Variants in TXNDC16 observed in about 807,000 individuals in gnomAD.
TXNDC16 encodes thioredoxin domain-containing protein 16.
TXNDC16 carries 74 observed loss-of-function variants against 85.6 expected under a neutral mutation model. The observed-to-expected ratio is 0.86, with a 90% confidence interval of 0.72 to 1.05. The LOEUF (loss-of-function observed/expected upper bound fraction) is 1.05, where lower values mean the gene tolerates loss of function less well. TXNDC16 is among the 50% of genes least tolerant of loss of function. The probability of loss-of-function intolerance (pLI) is 0.00; values close to 1 mark genes in which losing one functional copy is unlikely to be tolerated. For synonymous variants in TXNDC16, 335 were observed against 326.5 expected, an observed-to-expected ratio of 1.03 and a Z score of -0.28; for missense variants, 959 against 947.0, an observed-to-expected ratio of 1.01 and a Z score of -0.17.
At chr14:52,519,136 G>A (rs2037150984) in intron 7 of TXNDC16, 36 bp downstream of exon 7, 1 of 1,590,776 alleles carries the variant, frequency 6.3e-7, no homozygotes, top group East Asian at 2.3e-5. Flanking sequence ...TAAGTACAGA[G>A]GCACAGCAAA....
At chr14:52,539,911 A>G (rs1473702173) in intron 4 of TXNDC16, among the ~76,000 whole-genome samples, 1 of 152,202 alleles carries the variant, frequency 6.6e-6, no homozygotes, top group African/African-American at 2.4e-5. Flanking sequence ...GGTTAGGGAA[A>G]CAAGAAGGAG....
At chr14:52,458,567 C>T (rs563498752) in intron 16 of TXNDC16, among the ~76,000 whole-genome samples, 1 of 152,010 alleles carries the variant, frequency 6.6e-6, no homozygotes, top group Admixed American at 6.6e-5. Context: ...AAAAGAGAGA[C>T]GAGAGACAGA....
At chr14:52,542,121 G>A (rs373122991) in intron 4 of TXNDC16, among the ~76,000 whole-genome samples, 7 of 152,040 alleles carry the variant, frequency 4.6e-5, no homozygotes, top group South Asian at 4.1e-4. Context: ...GGGCCCAATA[G>A]AATGGTTTAT....
intron 9 of TXNDC16, among the ~76,000 whole-genome samples, chr14:52,492,342 G>A (rs934594610): frequency 2.6e-5 from 4 of 152,060 alleles, no homozygotes; most frequent in Non-Finnish European, 4.4e-5. Flanking sequence ...ATTGGGATTC[G>A]CCAAAAAGCA....
chr14:52,498,825 A>G (rs2036590950), intron 9 of TXNDC16, among the ~76,000 whole-genome samples: 1 of 152,168 alleles, frequency 6.6e-6, no homozygotes, highest in Non-Finnish European at 1.5e-5. Flanking sequence ...AAAAAATCCT[A>G]AAATTCATAT....
chr14:52,547,033 T>C (rs17125553), intron 1 of TXNDC16, among the ~76,000 whole-genome samples: 5,683 of 152,310 alleles, frequency 0.037, 336 homozygotes, highest in African/African-American at 0.13. Context: ...GGCTGGAAGA[T>C]AGATTAGTAC....
Position 52,490,442 on chromosome 14 carries a change from C to T in TXNDC16, c.933G>A (p.Leu311=). 1 of 1,598,382 alleles carries T rather than the reference C, an allele frequency of 6.3e-7. No homozygotes were observed. The highest frequency in any genetic ancestry group is 8.5e-7 in the Non-Finnish European group (1 of 1,174,470). ...AGVLLLLRDS[L]EVNIPQDANV... ...TAGCATCTTGAGGAATGTTCACTTC[C>T]AAAGAGTCCCTTTTTCAAAATGGAA... The change falls in exon 11 of 21, where the codon TTG becomes TTA. Residue 311 remains leucine (L), a synonymous_variant. Coordinates refer to ENST00000281741, the MANE Select transcript of TXNDC16 (RefSeq NM_020784.3).
chr14:52,485,265 T>C (rs182471037), intron 12 of TXNDC16, among the ~76,000 whole-genome samples: 24 of 152,278 alleles, frequency 1.6e-4, no homozygotes, highest in Admixed American at 1.0e-3. Flanking sequence ...AAGTTTTAAA[T>C]GGAAAAAAGC....
chr14:52,517,065 T>G (rs2037100190), intron 7 of TXNDC16, among the ~76,000 whole-genome samples: 1 of 151,964 alleles, frequency 6.6e-6, no homozygotes, highest in African/African-American at 2.4e-5. Flanking sequence ...CCTCCATAAT[T>G]TCCCTCCTCC....
intron 9 of TXNDC16, among the ~76,000 whole-genome samples, chr14:52,501,434 A>G (rs1254829821): frequency 6.6e-6 from 1 of 152,216 alleles, no homozygotes; most frequent in Non-Finnish European, 1.5e-5. Flanking sequence ...CTTTGTAAAC[A>G]TACCAAATTA....
intron 14 of TXNDC16, among the ~76,000 whole-genome samples, chr14:52,475,214 G>A (rs990210472): frequency 2.0e-5 from 3 of 152,144 alleles, no homozygotes; most frequent in African/African-American, 7.2e-5. Flanking sequence ...CACCTCACAA[G>A]GGGTCCTTGA....
rs960925927 is a variant in TXNDC16 at position 52,431,359 on chromosome 14, G to C, written c.*945C>G. On this transcript the variant is annotated 3_prime_UTR_variant, in exon 21 of 21. Coordinates refer to ENST00000281741, the MANE Select transcript of TXNDC16 (RefSeq NM_020784.3). ...TTGTAGAAATAAGAGGAGGTTTTAA[G>C]ACTCACTTAAAATATAAATATCATT... 2.6e-5 allele frequency: 4 copies of C among 152,154 alleles called. No individual in the cohort carries two copies. The highest frequency in any genetic ancestry group is 9.7e-5 in the African/African-American group (4 of 41,432). 9.4% of individuals were successfully genotyped at this position (152,154 alleles called of 1,614,324 possible). A position where few individuals can be genotyped will look rare whatever the true frequency, so the allele number is the denominator to read the frequency against.
At chr14:52,468,962 A>C (rs2035838998) in intron 16 of TXNDC16, among the ~76,000 whole-genome samples, 1 of 152,156 alleles carries the variant, frequency 6.6e-6, no homozygotes, top group African/African-American at 2.4e-5. Context: ...ACCTAAACTC[A>C]TTATATGGTC....
chr14:52,455,470 G>A lies in TXNDC16; in HGVS notation c.1704-8C>T, dbSNP rs1241603989. The A allele has an allele frequency of 2.5e-6, 4 of 1,613,240 alleles. No homozygotes were observed. In the Admixed American group the frequency reaches 6.7e-5, roughly 27 times the overall value. ...GCAGCATATTTGGTTGACCTATGGAGAAAGGCAGTATTAAAATTCACGATC... is the reference window on the plus strand; with the variant it reads ...GCAGCATATTTGGTTGACCTATGGAAAAAGGCAGTATTAAAATTCACGATC... On this transcript the variant is annotated splice_region_variant and splice_polypyrimidine_tract_variant and intron_variant, in intron 17 of 20. Transcript: ENST00000281741.
At chr14:52,551,801 C>G (rs1397685638) in intron 1 of TXNDC16, among the ~76,000 whole-genome samples, 1 of 149,608 alleles carries the variant, frequency 6.7e-6, no homozygotes, top group East Asian at 1.9e-4. Flanking sequence ...ATACACAGGT[C>G]CAAGGCTTCG....
intron 6 of TXNDC16, among the ~76,000 whole-genome samples, chr14:52,520,739 C>CA (rs1211761977): frequency 1.3e-5 from 2 of 152,144 alleles, no homozygotes; most frequent in African/African-American, 4.8e-5. Flanking sequence ...GGCTAAACTT[C>CA]AAAAAATTTT....
chr14:52,536,085 A>C (rs1349439660), intron 6 of TXNDC16, among the ~76,000 whole-genome samples: 1 of 152,108 alleles, frequency 6.6e-6, no homozygotes, highest in Non-Finnish European at 1.5e-5. Flanking sequence ...ACTATGGTCT[A>C]AATGTTTATG....
At chr14:52,506,110 A>C (rs1223618505) in intron 9 of TXNDC16, among the ~76,000 whole-genome samples, 2 of 152,222 alleles carry the variant, frequency 1.3e-5, no homozygotes, top group Non-Finnish European at 2.9e-5. Flanking sequence ...ATAGTCCAGG[A>C]CCAGATGGAT....
intron 18 of TXNDC16, among the ~76,000 whole-genome samples, chr14:52,454,516 A>G (rs536697732): frequency 6.6e-6 from 1 of 151,536 alleles, no homozygotes; most frequent in East Asian, 1.9e-4. Context: ...AACTTTTTTT[A>G]AACCAGGCTG....
Sources: gnomAD v4.1 joint callset for allele counts (sites outside exome capture counted in the v4.1 genomes callset) on GRCh38, gnomAD v4.1.1 for gene constraint, MANE v1.5 for transcripts, NCBI Gene and HGNC (gene_info 2026-07-23, HGNC 2026-07-21) for gene names.